NEIL3: variants seen among roughly 807,000 people sequenced by gnomAD.
The protein encoded by NEIL3 is nei like DNA glycosylase 3.
In NEIL3, 48 loss-of-function variants were observed where a neutral mutation model predicts 57.5. The ratio of observed to expected loss-of-function variants is 0.83; its 90% CI spans 0.66 to 1.06. NEIL3 has a LOEUF of 1.06. Among genes scored for constraint, NEIL3 ranks in the 50% least tolerant of loss-of-function variants. NEIL3 has a pLI of 0.00. For synonymous variants in NEIL3, 261 were observed against 253.2 expected (o/e 1.03, Z -0.29); for missense variants, 717 against 739.1 (o/e 0.97, Z 0.35).
downstream of NEIL3, among the ~76,000 whole-genome samples, chr4:177,363,976 G>T (rs1344907700): frequency 1.3e-5 from 2 of 152,156 alleles, no homozygotes; most frequent in Admixed American, 1.3e-4. Context: ...TTTCTTCTGG[G>T]CTCAAGAGAT....
intron 1 of NEIL3, among the ~76,000 whole-genome samples, chr4:177,318,747 A>G (rs1291254838): frequency 6.6e-6 from 1 of 151,908 alleles, no homozygotes; most frequent in Admixed American, 6.6e-5. Context: ...TCTCCTTTTC[A>G]TCTCCATTTC....
rs1198477745 is a variant in NEIL3 at position 177,353,556 on chromosome 4, C to G, written c.1288C>G (p.Gln430Glu). 2.5e-6 allele frequency: 4 copies of G among 1,612,934 alleles called. No individual in the cohort carries two copies. Among genetic ancestry groups the G allele is most frequent in the Non-Finnish European group, 3.4e-6 (4 of 1,179,338 alleles). ...TGCTAGTGTTTGTTTGAATGATATACAGCACCCCTCCAAGAAGACAACAAA... is the reference window on the plus strand; with the variant it reads ...TGCTAGTGTTTGTTTGAATGATATAGAGCACCCCTCCAAGAAGACAACAAA... Reference protein sequence around the residue: ...PPASVCLNDIQHPSKKTTNDI... With the variant: ...PPASVCLNDIEHPSKKTTNDI... Residue 430 changes from glutamine (Q) to glutamate (E), a missense_variant, in exon 8 of 10, where the codon CAG (glutamine) becomes GAG (glutamate). Transcript: ENST00000264596.
chr4:177,339,976 T>C, intron 5 of NEIL3, 119 bp downstream of exon 5: 2 of 664,160 alleles, frequency 3.0e-6, no homozygotes, highest in Non-Finnish European at 5.4e-6. Context: ...TGGAGGTACA[T>C]TAAGGGAGAG....
chr4:177,355,020 C>G (rs990090782), intron 8 of NEIL3, among the ~76,000 whole-genome samples: 1 of 152,004 alleles, frequency 6.6e-6, no homozygotes, highest in African/African-American at 2.4e-5. Context: ...TTCTGTTGAC[C>G]CTCCTTCCCC....
chr4:177,314,131 A>G (rs1248830706), intron 1 of NEIL3, among the ~76,000 whole-genome samples: 1 of 152,200 alleles, frequency 6.6e-6, no homozygotes, highest in Non-Finnish European at 1.5e-5. Flanking sequence ...TTTAGAGAAC[A>G]TGCATTATAT....
chr4:177,353,852 GC>G, intron 8 of NEIL3, 124 bp downstream of exon 8: 1 of 805,898 alleles, frequency 1.2e-6, no homozygotes, highest in East Asian at 2.7e-5. Flanking sequence ...TGCAACCTCT[GC>G]CTCCCGCGTT....
At position 177,339,820 on chromosome 4, in the gene NEIL3, T is replaced by G. The variant is rs771097984; in HGVS notation, c.665T>G (p.Met222Arg). ...ACAGATGAACAGATCCATCACCTCA[T>G]GAAAATGATACGTGATTTCAGCATT... ...QLTDEQIHHLMKMIRDFSILF... is the reference protein window; with the variant it reads ...QLTDEQIHHLRKMIRDFSILF... The change falls in exon 5 of 10, where the codon ATG becomes AGG. Residue 222 changes from methionine to arginine, a missense_variant. Met to Arg is a moderately conservative substitution (Grantham distance 91). Transcript: ENST00000264596. 1 of 1,613,914 alleles carries G rather than the reference T, an allele frequency of 6.2e-7. No homozygotes were observed. The highest frequency in any genetic ancestry group is 8.5e-7 in the Non-Finnish European group (1 of 1,179,796).
At chr4:177,312,173 A>C (rs1207803976) in intron 1 of NEIL3, among the ~76,000 whole-genome samples, 1 of 152,186 alleles carries the variant, frequency 6.6e-6, no homozygotes, top group African/African-American at 2.4e-5. Context: ...CCCTATGATA[A>C]AGGATTAACC....
intron 4 of NEIL3, among the ~76,000 whole-genome samples, chr4:177,339,566 G>A (rs748801227): frequency 6.6e-6 from 1 of 152,162 alleles, no homozygotes; most frequent in Non-Finnish European, 1.5e-5. Flanking sequence ...AGATTGAGGA[G>A]GAAGAGGAGG....
chr4:177,363,977 C>T (rs1046760957), downstream of NEIL3, among the ~76,000 whole-genome samples: 1 of 152,086 alleles, frequency 6.6e-6, no homozygotes, highest in African/African-American at 2.4e-5. Context: ...TTCTTCTGGG[C>T]TCAAGAGATC....
At chr4:177,335,993 G>T (rs1292002024) in intron 3 of NEIL3, 115 bp from the exon 4 acceptor site, 28 of 1,034,276 alleles carry the variant, frequency 2.7e-5, no homozygotes, top group Non-Finnish European at 3.7e-5. Flanking sequence ...GTTTGCATAT[G>T]TAACTCTTAT....
At chr4:177,333,067 T>C (rs2110903249) in intron 2 of NEIL3, among the ~76,000 whole-genome samples, 1 of 152,210 alleles carries the variant, frequency 6.6e-6, no homozygotes, top group South Asian at 2.1e-4. Flanking sequence ...TCTTTTTACA[T>C]TCTTTTTTTT....
At chr4:177,354,685 T>C (rs1054902770) in intron 8 of NEIL3, among the ~76,000 whole-genome samples, 3 of 152,196 alleles carry the variant, frequency 2.0e-5, no homozygotes, top group African/African-American at 7.2e-5. Flanking sequence ...TTTCGCCATG[T>C]TGGCCAGGCT....
At chr4:177,311,891 G>A (rs570899226) in intron 1 of NEIL3, among the ~76,000 whole-genome samples, 1 of 152,124 alleles carries the variant, frequency 6.6e-6, no homozygotes, top group South Asian at 2.1e-4. Context: ...CTAAGCAATG[G>A]ATATGACATG....
intron 6 of NEIL3, among the ~76,000 whole-genome samples, chr4:177,347,392 A>ACC (rs1735245333): frequency 6.6e-6 from 1 of 152,130 alleles, no homozygotes. Flanking sequence ...TTCTGAGTAG[A>ACC]CTGGGGAGCC....
chr4:177,358,716 C>T (rs1411606645), intron 8 of NEIL3, among the ~76,000 whole-genome samples: 1 of 152,134 alleles, frequency 6.6e-6, no homozygotes, highest in Non-Finnish European at 1.5e-5. Flanking sequence ...ATCCTACCTT[C>T]TACCTTGGCC....
rs756800051 is a variant in NEIL3, at chr4:177,310,060, A to C, written c.107A>C (p.Gln36Pro). 3 of 1,602,424 alleles carry C rather than the reference A, an allele frequency of 1.9e-6. No individual in the cohort carries two copies. The highest frequency in any genetic ancestry group is 2.6e-6 in the Non-Finnish European group (3 of 1,175,376). ...GVRGSALRSL[Q>P]GRALRLAAST... ...CGGGGAAGCGCTCTGCGGAGTCTGC[A>C]GGGCCGCGCCTTGCGGCTCGCAGCC... The change falls in exon 1 of 10, where the codon CAG becomes CCG. Residue 36 changes from glutamine to proline, a missense_variant. Physicochemically the swap from Gln to Pro is moderately conservative, Grantham distance 76. Coordinates refer to ENST00000264596, the MANE Select transcript of NEIL3 (RefSeq NM_018248.3).
chr4:177,348,838 T>A (rs890623656), intron 6 of NEIL3, among the ~76,000 whole-genome samples: 1 of 146,602 alleles, frequency 6.8e-6, no homozygotes, highest in East Asian at 2.0e-4. Flanking sequence ...ATAGTAGAAT[T>A]GCAGATTGGT....
intron 6 of NEIL3, among the ~76,000 whole-genome samples, chr4:177,342,591 A>C (rs894395909): frequency 6.6e-6 from 1 of 152,260 alleles, no homozygotes; most frequent in East Asian, 1.9e-4. Flanking sequence ...GGAAGATCTC[A>C]AAGAAAGCGT....
Sources: gnomAD v4.1 joint callset for allele counts (sites outside exome capture counted in the v4.1 genomes callset) on GRCh38, gnomAD v4.1.1 for gene constraint, MANE v1.5 for transcripts, NCBI Gene and HGNC (gene_info 2026-07-23, HGNC 2026-07-21) for gene names.